Variants in DAB1 observed in about 807,000 individuals in gnomAD.
DAB1 encodes DAB adaptor protein 1.
DAB1 carries 15 observed loss-of-function variants against 64.6 expected under a neutral mutation model. That is an observed-to-expected ratio of 0.23 (90% CI 0.16 to 0.36). The LOEUF (loss-of-function observed/expected upper bound fraction) is 0.36. DAB1 is among the 10% of genes least tolerant of loss of function. The pLI is 1.00. For synonymous variants in DAB1, 235 were observed against 251.9 expected, an observed-to-expected ratio of 0.93 and a Z score of 0.64; for missense variants, 596 against 706.7, an observed-to-expected ratio of 0.84 and a Z score of 1.78.
chr1:57,779,903 C>A (rs150779245), intron 6 of DAB1, among the ~76,000 whole-genome samples: 2 of 152,100 alleles, frequency 1.3e-5, no homozygotes, highest in African/African-American at 4.8e-5. Flanking sequence ...AGAAGAGAGG[C>A]CTGAGGCCAC....
chr1:57,158,097 G>C, intron 2 of DAB1, among the ~76,000 whole-genome samples: 1 of 152,138 alleles, frequency 6.6e-6, no homozygotes, highest in African/African-American at 2.4e-5. Flanking sequence ...AAACATTGTG[G>C]TTACCTGTAT....
In DAB1 at chr1:57,532,440, C is replaced by T. The variant is rs571761117; in HGVS notation, n.625+117152G>A. Among the ~76,000 whole-genome samples the T allele has an allele frequency of 2.0e-5, 3 of 152,268 alleles. No homozygotes were observed. In the South Asian group the frequency reaches 6.2e-4, roughly 32 times the overall value. ...ATATTGTGATCTGGCATTTTTCACA[C>T]TATACTCTAATTTGGTTTATCTTTC... is the stretch of plus-strand genomic sequence containing the variant. On this transcript the variant is annotated intron_variant and non_coding_transcript_variant, in intron 7 of 20. Transcript: ENST00000485760.
chr1:57,903,441 C>G (rs1203890678), intron 5 of DAB1, among the ~76,000 whole-genome samples: 1 of 152,004 alleles, frequency 6.6e-6, no homozygotes, highest in Non-Finnish European at 1.5e-5. Flanking sequence ...GCTTGCTGTC[C>G]TTATTCTTTT....
intron 3 of DAB1, among the ~76,000 whole-genome samples, chr1:58,424,895 T>C (rs1569762781): frequency 1.3e-5 from 2 of 152,098 alleles, no homozygotes; most frequent in East Asian, 3.9e-4. Flanking sequence ...ATGATGTCAT[T>C]TGGTGAGGTG....
intron 2 of DAB1, among the ~76,000 whole-genome samples, chr1:57,147,254 C>T (rs13374648): frequency 0.032 from 4,893 of 151,878 alleles, 256 homozygotes; most frequent in African/African-American, 0.11. Context: ...TCAGACTCAA[C>T]CAATCCACCA....
At chr1:57,954,399 C>G (rs552511108) in intron 5 of DAB1, among the ~76,000 whole-genome samples, 1 of 152,238 alleles carries the variant, frequency 6.6e-6, no homozygotes, top group East Asian at 1.9e-4. Context: ...TAAAATGGAA[C>G]TAAGAGAAGG....
At chr1:57,343,437 G>A (rs377751159) in intron 1 of DAB1, among the ~76,000 whole-genome samples, 62 of 152,306 alleles carry the variant, frequency 4.1e-4, no homozygotes, top group South Asian at 2.9e-3. Flanking sequence ...TGCCAGTCCC[G>A]CACCGTGCGC....
chr1:57,209,958 C>G (rs567615073), intron 2 of DAB1, among the ~76,000 whole-genome samples: 1 of 152,296 alleles, frequency 6.6e-6, no homozygotes, highest in East Asian at 1.9e-4. Flanking sequence ...CTAAAAAGAC[C>G]TAAATTGAAA....
At chr1:57,065,069 C>T (rs902272093) in intron 8 of DAB1, among the ~76,000 whole-genome samples, 1 of 152,142 alleles carries the variant, frequency 6.6e-6, no homozygotes, top group African/African-American at 2.4e-5. Flanking sequence ...TCAATTATCC[C>T]TAAAAATGGA....
At chr1:57,621,232 A>T (rs1268451021) in intron 7 of DAB1, among the ~76,000 whole-genome samples, 1 of 145,514 alleles carries the variant, frequency 6.9e-6, no homozygotes, top group African/African-American at 2.5e-5. Context: ...CATGAGCTTG[A>T]GTTTGCGTTT....
intron 7 of DAB1, among the ~76,000 whole-genome samples, chr1:57,642,770 G>A (rs577738258): frequency 3.9e-5 from 6 of 152,228 alleles, no homozygotes; most frequent in African/African-American, 9.6e-5. Context: ...GAACATCAGC[G>A]TGTTAAATCT....
chr1:57,992,095 A>C (rs1383347070), intron 5 of DAB1, among the ~76,000 whole-genome samples: 1 of 152,156 alleles, frequency 6.6e-6, no homozygotes, highest in Admixed American at 6.5e-5. Flanking sequence ...TATGAAACTA[A>C]TACAATAATG....
intron 3 of DAB1, among the ~76,000 whole-genome samples, chr1:58,373,401 C>A (rs1332561943): frequency 6.8e-6 from 1 of 146,768 alleles, no homozygotes; most frequent in Non-Finnish European, 1.5e-5. Context: ...CAATTCCCAC[C>A]TATGAGTGAG....
rs568381649 is a variant in DAB1 at position 57,191,081 on chromosome 1, T to C, written c.68-45652A>G. On this transcript the variant is annotated intron_variant, in intron 2 of 14. Transcript: ENST00000371236. Reference sequence around the variant, plus strand: ...CATAAAGTGAAATGGTGCACACGTATCTATCTGGTGAGTTGTTTGCTGACA... The same window carrying C: ...CATAAAGTGAAATGGTGCACACGTACCTATCTGGTGAGTTGTTTGCTGACA... Among the ~76,000 whole-genome samples the C allele has an allele frequency of 3.1e-4, 47 of 152,258 alleles. 1 individual carries two copies. In the South Asian group the frequency reaches 8.5e-3, roughly 28 times the overall value.
At chr1:57,511,812 A>G (rs1644408463) in intron 7 of DAB1, among the ~76,000 whole-genome samples, 1 of 152,042 alleles carries the variant, frequency 6.6e-6, no homozygotes, top group South Asian at 2.1e-4. Context: ...CCTCTCTTTG[A>G]CCATCTGGCA....
chr1:57,754,319 A>C (rs1480628652), intron 6 of DAB1, among the ~76,000 whole-genome samples: 2 of 152,238 alleles, frequency 1.3e-5, no homozygotes, highest in Non-Finnish European at 2.9e-5. Context: ...AATAGATTTT[A>C]AAAGCAGCCA....
At chr1:57,167,213 A>G (rs761361016) in intron 2 of DAB1, among the ~76,000 whole-genome samples, 1 of 152,160 alleles carries the variant, frequency 6.6e-6, no homozygotes, top group Non-Finnish European at 1.5e-5. Context: ...TGGTTCCATA[A>G]TCATTACAAA....
chr1:58,445,207 G>A (rs927331216), intron 3 of DAB1, among the ~76,000 whole-genome samples: 7 of 152,202 alleles, frequency 4.6e-5, no homozygotes, highest in Non-Finnish European at 7.3e-5. Context: ...TCTACTTTTT[G>A]TGGTGATTAA....
At chr1:57,953,793 G>C (rs1645327807) in intron 5 of DAB1, among the ~76,000 whole-genome samples, 1 of 152,094 alleles carries the variant, frequency 6.6e-6, no homozygotes, top group African/African-American at 2.4e-5. Flanking sequence ...CTGCTGGTTG[G>C]CAGTGGCTGG....
Sources: allele counts gnomAD v4.1 joint callset (sites outside exome capture counted in the v4.1 genomes callset), GRCh38; gene constraint gnomAD v4.1.1; transcripts MANE v1.5; gene names NCBI Gene and HGNC (gene_info 2026-07-23, HGNC 2026-07-21).